The following NKAIN3 variants were observed in gnomAD, a reference collection of about 807,000 sequenced individuals.
The protein encoded by NKAIN3 is sodium/potassium transporting ATPase interacting 3.
NKAIN3 carries 25 observed loss-of-function variants against 30.2 expected under a neutral mutation model. The ratio of observed to expected loss-of-function variants is 0.83; its 90% CI spans 0.60 to 1.16. The LOEUF is 1.16. NKAIN3 is among the 50% of genes most tolerant of loss of function. The probability of loss-of-function intolerance (pLI) is 0.00; values close to 1 mark genes in which losing one functional copy is unlikely to be tolerated. For synonymous variants in NKAIN3, 91 were observed against 89.6 expected (o/e 1.02, Z -0.09); for missense variants, 225 against 254.1 (o/e 0.89, Z 0.78).
At chr8:62,537,646 A>G (rs1033188280) in intron 1 of NKAIN3, among the ~76,000 whole-genome samples, 1 of 151,920 alleles carries the variant, frequency 6.6e-6, no homozygotes, top group African/African-American at 2.4e-5. Flanking sequence ...TAATGCTTTA[A>G]TGCCCCCTTT....
rs192487113 is a variant in NKAIN3, at chr8:62,939,861, G to T, written c.533-14041G>T. Among the ~76,000 whole-genome samples, 807 of 151,784 alleles carry T rather than the reference G, an allele frequency of 5.3e-3. 11 individuals carry two copies. The highest frequency in any genetic ancestry group is 0.019 in the African/African-American group (783 of 41,400). On this transcript the variant is annotated intron_variant, in intron 5 of 6. Coordinates refer to ENST00000623646, the MANE Select transcript of NKAIN3 (RefSeq NM_001304533.3). The stretch of plus-strand genomic sequence containing the variant: ...ATAATACAATGAAAAAAAAAGCAAG[G>T]TATTCAGGCAACAACTAGCATGATG...
chr8:62,713,616 T>C (rs2130499604), intron 3 of NKAIN3, among the ~76,000 whole-genome samples: 1 of 152,330 alleles, frequency 6.6e-6, no homozygotes, highest in East Asian at 1.9e-4. Flanking sequence ...ACATGTCTAT[T>C]ATAAACTGGA....
chr8:62,619,497 G>A (rs1002725390), intron 3 of NKAIN3, among the ~76,000 whole-genome samples: 10 of 152,004 alleles, frequency 6.6e-5, no homozygotes, highest in South Asian at 2.1e-4. Context: ...GGAAGCCCCC[G>A]CTTTAATTTG....
At chr8:62,809,811 T>G (rs1818431296) in intron 4 of NKAIN3, among the ~76,000 whole-genome samples, 1 of 152,220 alleles carries the variant, frequency 6.6e-6, no homozygotes, top group Admixed American at 6.6e-5. Context: ...AATTTACTTT[T>G]GATCACACAG....
chr8:62,974,381 C>T lies in NKAIN3; in HGVS notation c.*8974C>T, dbSNP rs1356843510. Among the ~76,000 whole-genome samples the T allele has an allele frequency of 2.0e-5, 3 of 152,178 alleles. No individual in the cohort carries two copies. The highest frequency in any genetic ancestry group is 7.2e-5 in the African/African-American group (3 of 41,510). Reference sequence around the variant, plus strand: ...GTTCTTGAAGAGGTCATTCACATCCCTTGTAAGTTGCATTCCTAGGTATTT... The same window carrying T: ...GTTCTTGAAGAGGTCATTCACATCCTTTGTAAGTTGCATTCCTAGGTATTT... On this transcript the variant is annotated 3_prime_UTR_variant, in exon 7 of 7. Transcript: ENST00000623646.
chr8:62,592,049 A>G (rs975991638), intron 3 of NKAIN3, among the ~76,000 whole-genome samples: 4 of 152,054 alleles, frequency 2.6e-5, no homozygotes, highest in East Asian at 3.9e-4. Context: ...TATGCTGTCA[A>G]TTTGGTCCAA....
At chr8:62,435,414 G>A (rs932162106) in intron 1 of NKAIN3, among the ~76,000 whole-genome samples, 10 of 151,938 alleles carry the variant, frequency 6.6e-5, no homozygotes, top group Admixed American at 6.6e-4. Context: ...TGTGGAGCCA[G>A]GGGGACTGAA....
intron 1 of NKAIN3, among the ~76,000 whole-genome samples, chr8:62,548,729 T>C (rs1809095302): frequency 8.4e-6 from 1 of 119,216 alleles, no homozygotes; most frequent in Admixed American, 8.3e-5. Flanking sequence ...CTTTTTATGT[T>C]TACAATTATA....
intron 5 of NKAIN3, among the ~76,000 whole-genome samples, chr8:62,933,202 G>T (rs546203868): frequency 6.6e-6 from 1 of 152,280 alleles, no homozygotes; most frequent in Non-Finnish European, 1.5e-5. Flanking sequence ...TTATAAAAGA[G>T]ATCTCAGTGA....
intron 3 of NKAIN3, among the ~76,000 whole-genome samples, chr8:62,710,128 T>C (rs2130491113): frequency 6.6e-6 from 1 of 152,256 alleles, no homozygotes; most frequent in African/African-American, 2.4e-5. Context: ...CTGAAGCTCG[T>C]TTTATGGCCT....
intron 4 of NKAIN3, among the ~76,000 whole-genome samples, chr8:62,809,629 C>T (rs1401823522): frequency 6.6e-6 from 1 of 152,134 alleles, no homozygotes; most frequent in Non-Finnish European, 1.5e-5. Context: ...ACTACTACTG[C>T]ATTTATCTTA....
At chr8:62,609,059 T>C (rs188324411) in intron 3 of NKAIN3, among the ~76,000 whole-genome samples, 5 of 152,234 alleles carry the variant, frequency 3.3e-5, no homozygotes, top group Admixed American at 6.5e-5. Flanking sequence ...GTCTAAACTG[T>C]GATAGGTTTA....
intron 1 of NKAIN3, among the ~76,000 whole-genome samples, chr8:62,403,085 G>T (rs570477146): frequency 2.6e-5 from 4 of 152,172 alleles, no homozygotes; most frequent in Non-Finnish European, 5.9e-5. Context: ...AACTTGTTGC[G>T]AACTGGAGTA....
intron 4 of NKAIN3, among the ~76,000 whole-genome samples, chr8:62,835,137 A>G (rs1819319741): frequency 6.6e-6 from 1 of 151,980 alleles, no homozygotes; most frequent in Non-Finnish European, 1.5e-5. Context: ...AGAAGAATAA[A>G]TTTGAATACC....
intron 1 of NKAIN3, among the ~76,000 whole-genome samples, chr8:62,536,577 G>A (rs771752268): frequency 2.7e-4 from 41 of 151,848 alleles, no homozygotes; most frequent in Admixed American, 7.9e-4. Context: ...GGTGGCTGTG[G>A]GGACACATCT....
intron 3 of NKAIN3, among the ~76,000 whole-genome samples, chr8:62,684,355 C>T (rs1385860663): frequency 1.3e-5 from 2 of 152,144 alleles, no homozygotes; most frequent in East Asian, 3.9e-4. Flanking sequence ...TCAGGTTTTC[C>T]TTTCTTAGAT....
chr8:62,747,646 G>T (rs1420175109), intron 4 of NKAIN3, among the ~76,000 whole-genome samples: 1 of 152,210 alleles, frequency 6.6e-6, no homozygotes, highest in Non-Finnish European at 1.5e-5. Flanking sequence ...AGAAGGAAAT[G>T]ATGTGATTAG....
chr8:62,813,780 G>A (rs1167182729), intron 4 of NKAIN3, among the ~76,000 whole-genome samples: 4 of 151,924 alleles, frequency 2.6e-5, no homozygotes, highest in Non-Finnish European at 5.9e-5. Flanking sequence ...CATGAGAGTA[G>A]ACAATGTATT....
At chr8:62,564,780 T>A (rs1472898832) in intron 1 of NKAIN3, among the ~76,000 whole-genome samples, 1 of 152,186 alleles carries the variant, frequency 6.6e-6, no homozygotes, top group African/African-American at 2.4e-5. Flanking sequence ...ATGTATTACC[T>A]ATTGTGGGTG....
Sources: gnomAD v4.1 joint callset for allele counts (sites outside exome capture counted in the v4.1 genomes callset) on GRCh38, gnomAD v4.1.1 for gene constraint, MANE v1.5 for transcripts, NCBI Gene and HGNC (gene_info 2026-07-23, HGNC 2026-07-21) for gene names.